Variants in VCL observed in about 807,000 individuals in gnomAD.
VCL encodes vinculin.
In VCL, 47 loss-of-function variants were observed where a neutral mutation model predicts 125.7. The observed-to-expected ratio is 0.37, with a 90% CI of 0.30 to 0.48. The LOEUF is 0.48. Among genes scored for constraint, VCL ranks in the 20% least tolerant of loss-of-function variants. The pLI is 0.99. For synonymous variants in VCL, 458 were observed against 514.6 expected (o/e 0.89, Z 1.49); for missense variants, 1,069 against 1,455.5 (o/e 0.73, Z 4.32).
chr10:74,109,452 C>A (rs1463510915), intron 18 of VCL, among the ~76,000 whole-genome samples: 2 of 152,058 alleles, frequency 1.3e-5, no homozygotes, highest in Non-Finnish European at 2.9e-5. Context: ...CATTTGGGGT[C>A]TTTTAGAAAT....
At position 74,074,820 on chromosome 10, in the gene VCL, G is replaced by A; in HGVS notation, c.700G>A (p.Val234Ile). The A allele has an allele frequency of 1.2e-6, 2 of 1,614,094 alleles. No individual in the cohort carries two copies. The highest frequency in any genetic ancestry group is 1.7e-6 in the Non-Finnish European group (2 of 1,180,020). Residue 234 changes from valine to isoleucine, a missense_variant, in exon 6 of 22, where the codon GTA becomes ATA. By Grantham distance (29) the Val-to-Ile change is conservative. This residue lies in a region of VCL where 760 missense variants were observed against 928.9 expected (regional missense o/e 0.82). Coordinates refer to ENST00000211998, the MANE Select transcript of VCL (RefSeq NM_014000.3). ...AGCTTTAAAAAATCGCAATTTTACT[G>A]TAGAAAAAATGAGTGCTGAAATTAA... Reference protein sequence around the residue: ...EEALKNRNFTVEKMSAEINEI... With the variant: ...EEALKNRNFTIEKMSAEINEI...
At chr10:74,054,161 A>G (rs894839561) in intron 2 of VCL, among the ~76,000 whole-genome samples, 5 of 152,190 alleles carry the variant, frequency 3.3e-5, no homozygotes, top group African/African-American at 1.2e-4. Flanking sequence ...CAGTATATAA[A>G]TATTACTAGT....
chr10:74,115,246 A>C (rs1840293265), intron 21 of VCL, among the ~76,000 whole-genome samples: 1 of 151,860 alleles, frequency 6.6e-6, no homozygotes, highest in Non-Finnish European at 1.5e-5. Flanking sequence ...ACAAAACAAA[A>C]CACCAGGAAT....
chr10:74,089,081 GA>G, intron 8 of VCL, 114 bp from the exon 9 acceptor site: 2 of 1,487,716 alleles, frequency 1.3e-6, no homozygotes, highest in Non-Finnish European at 1.8e-6. Context: ...GATTTACTGG[GA>G]AAAAGGAAAA....
In VCL at chr10:74,009,600, T is replaced by C. The variant is rs557546494; in HGVS notation, c.168+11225T>C. On this transcript the variant is annotated intron_variant, in intron 1 of 21. Coordinates refer to ENST00000211998, the MANE Select transcript of VCL (RefSeq NM_014000.3). ...TGGGAATTGTTATGGAAAGGAAAGC[T>C]GTCTTACCTTATTTATTAATTATTA... 2.2e-3 allele frequency among the ~76,000 whole-genome samples: 328 copies of C among 151,962 alleles called. 1 individual carries two copies. The highest frequency in any genetic ancestry group is 0.01 in the Middle Eastern group (3 of 294).
intron 1 of VCL, among the ~76,000 whole-genome samples, chr10:74,036,486 G>A (rs1840980733): frequency 6.6e-6 from 1 of 152,050 alleles, no homozygotes; most frequent in South Asian, 2.1e-4. Context: ...ACAGGCGTGA[G>A]CCACCGTGCC....
At chr10:74,028,084 T>C (rs1840808180) in intron 1 of VCL, among the ~76,000 whole-genome samples, 1 of 152,166 alleles carries the variant, frequency 6.6e-6, no homozygotes, top group Non-Finnish European at 1.5e-5. Flanking sequence ...TTTGTTTGTT[T>C]TTGTTTTTTA....
At position 74,047,114 on chromosome 10, in the gene VCL, A is replaced by G. The variant is rs145288018; in HGVS notation, c.239+3961A>G. On this transcript the variant is annotated intron_variant, in intron 2 of 21. Coordinates refer to ENST00000211998, the MANE Select transcript of VCL (RefSeq NM_014000.3). Reference sequence around the variant, plus strand: ...TTGTAAGGTGAATTCTAACCAATAAATGTGGAAGACATGACAGAATTAAAA... The same window carrying G: ...TTGTAAGGTGAATTCTAACCAATAAGTGTGGAAGACATGACAGAATTAAAA... Among the ~76,000 whole-genome samples, 309 of 152,232 alleles carry G rather than the reference A, an allele frequency of 2.0e-3. 2 individuals are homozygous for G. The highest frequency in any genetic ancestry group is 6.3e-3 in the African/African-American group (261 of 41,552).
At chr10:74,052,682 G>A (rs1841325035) in intron 2 of VCL, among the ~76,000 whole-genome samples, 1 of 151,108 alleles carries the variant, frequency 6.6e-6, no homozygotes, top group Non-Finnish European at 1.5e-5. Flanking sequence ...TGGCCCTTCA[G>A]TTACTTTTTA....
At chr10:74,015,946 ATG>A (rs1347172794) in intron 1 of VCL, among the ~76,000 whole-genome samples, 1 of 151,776 alleles carries the variant, frequency 6.6e-6, no homozygotes, top group Non-Finnish European at 1.5e-5. Context: ...CAGCTTCCCA[ATG>A]TGTTGGGATT....
intron 1 of VCL, among the ~76,000 whole-genome samples, chr10:74,029,575 C>T (rs1840836396): frequency 6.6e-6 from 1 of 152,200 alleles, no homozygotes; most frequent in African/African-American, 2.4e-5. Flanking sequence ...TAAACAGCTG[C>T]TGCCAAGGAA....
chr10:74,105,918 T>TAGTGCTGGGATTACAGGTG (rs1564533248), intron 16 of VCL, among the ~76,000 whole-genome samples: 6 of 147,572 alleles, frequency 4.1e-5, no homozygotes, highest in African/African-American at 1.3e-4. Context: ...TGCGCTTTTT[T>TAGTGCTGGGATTACAGGTG]TTTTTTTTTT....
intron 6 of VCL, chr10:74,075,793 G>A (rs1036368873): frequency 6.6e-6 from 1 of 152,616 alleles, no homozygotes; most frequent in African/African-American, 2.4e-5. Flanking sequence ...TATGTTCTCC[G>A]GGATCTGTAA....
At chr10:74,020,057 C>G (rs527776622) in intron 1 of VCL, among the ~76,000 whole-genome samples, 23 of 151,098 alleles carry the variant, frequency 1.5e-4, no homozygotes, top group African/African-American at 5.6e-4. Context: ...GAGTGAAACT[C>G]CGTCTCAAAA....
intron 1 of VCL, among the ~76,000 whole-genome samples, chr10:74,029,827 C>T (rs141081310): frequency 1.3e-5 from 2 of 151,724 alleles, no homozygotes; most frequent in East Asian, 3.9e-4. Flanking sequence ...GTGTTTTTTT[C>T]TGATTATGAA....
At position 74,024,298 on chromosome 10, in the gene VCL, C is replaced by G. The variant is rs78333497; in HGVS notation, c.169-18785C>G. ...TCCAATTAGCAAGCAGAATGGTCAA[C>G]GTTAGTAAATGCATTTAAAGACTTT... On this transcript the variant is annotated intron_variant, in intron 1 of 21. Coordinates refer to ENST00000211998, the MANE Select transcript of VCL (RefSeq NM_014000.3). Among the ~76,000 whole-genome samples, 33 of 152,104 alleles carry G rather than the reference C, an allele frequency of 2.2e-4. No homozygotes were observed. In the East Asian group the frequency reaches 6.2e-3, roughly 29 times the overall value.
intron 13 of VCL, among the ~76,000 whole-genome samples, chr10:74,098,750 C>G (rs985389536): frequency 3.9e-5 from 6 of 152,134 alleles, no homozygotes; most frequent in African/African-American, 1.4e-4. Context: ...CCCCAGTTTT[C>G]TTTCTGTAAC....
At chr10:74,096,120 T>G (rs1839964313) in intron 12 of VCL, among the ~76,000 whole-genome samples, 1 of 151,140 alleles carries the variant, frequency 6.6e-6, no homozygotes, top group Non-Finnish European at 1.5e-5. Flanking sequence ...ATCTGTACTT[T>G]TATTTAGCCA....
intron 1 of VCL, chr10:74,027,793 A>C (rs1840803089): frequency 1.3e-5 from 2 of 152,166 alleles, no homozygotes; most frequent in Admixed American, 1.3e-4. Context: ...GAAAATGATA[A>C]AATTAAATTT....
Sources: allele counts gnomAD v4.1 joint callset (sites outside exome capture counted in the v4.1 genomes callset), GRCh38; gene constraint gnomAD v4.1.1; regional missense constraint gnomAD v4.1.1; transcripts MANE v1.5; gene names NCBI Gene and HGNC (gene_info 2026-07-23, HGNC 2026-07-21).